The following GABRB1 variants were observed in gnomAD, a reference collection of about 807,000 sequenced individuals.
GABRB1 encodes gamma-aminobutyric acid type A receptor subunit beta1.
GABRB1 carries 17 observed loss-of-function variants against 51.6 expected under a neutral mutation model. That is an observed-to-expected ratio of 0.33 (90% CI 0.23 to 0.49). GABRB1 has a LOEUF of 0.49. GABRB1 is among the 20% of genes least tolerant of loss of function. The pLI is 0.99. For missense variants in GABRB1, 410 were observed against 600.6 expected, an observed-to-expected ratio of 0.68 and a Z score of 3.32; for synonymous variants, 247 against 218.9, an observed-to-expected ratio of 1.13 and a Z score of -1.14.
Position 47,145,262 on chromosome 4 carries a change from T to A in GABRB1, c.241-15987T>A, listed in dbSNP as rs140196985. On this transcript the variant is annotated intron_variant, in intron 3 of 8. Coordinates refer to ENST00000295454, the MANE Select transcript of GABRB1 (RefSeq NM_000812.4). ...GAGTCTGGACTTCCTTTTTTGGACT[T>A]ATGGCAGCTACACGCAATTTCATTC... Among the ~76,000 whole-genome samples the A allele has an allele frequency of 3.3e-5, 5 of 152,108 alleles. 1 individual carries two copies. The highest frequency in any genetic ancestry group is 1.2e-4 in the African/African-American group (5 of 41,532).
chr4:47,042,956 A>G (rs1725922964), intron 3 of GABRB1: 1 of 152,028 alleles, frequency 6.6e-6, no homozygotes. Context: ...ACATTCTCAC[A>G]GTAATTTGTT....
chr4:47,413,749 A>T (rs2110061807), intron 8 of GABRB1, among the ~76,000 whole-genome samples: 1 of 152,236 alleles, frequency 6.6e-6, no homozygotes, highest in South Asian at 2.1e-4. Flanking sequence ...GTCAAGGGGT[A>T]TTTGTACTGA....
At chr4:47,007,143 A>T (rs77631866) in intron 1 of GABRB1, among the ~76,000 whole-genome samples, 3 of 16,290 alleles carry the variant, frequency 1.8e-4, no homozygotes, top group African/African-American at 4.3e-4. Context: ...CTGTTTGGAT[A>T]AAAAAAAAAA....
chr4:47,168,303 T>G (rs1252363298), intron 4 of GABRB1, among the ~76,000 whole-genome samples: 1 of 152,196 alleles, frequency 6.6e-6, no homozygotes, highest in African/African-American at 2.4e-5. Flanking sequence ...TAAATTTTAC[T>G]GTCTCATAAT....
At chr4:47,152,780 C>T (rs969870240) in intron 3 of GABRB1, among the ~76,000 whole-genome samples, 1 of 151,990 alleles carries the variant, frequency 6.6e-6, no homozygotes, top group African/African-American at 2.4e-5. Context: ...TGGTGGCCAT[C>T]CTTTGGTGCC....
intron 5 of GABRB1, among the ~76,000 whole-genome samples, chr4:47,356,626 C>G (rs1412101226): frequency 6.6e-6 from 1 of 152,068 alleles, no homozygotes. Context: ...GATGGAGATG[C>G]TAGTTTGACA....
intron 5 of GABRB1, among the ~76,000 whole-genome samples, chr4:47,356,134 T>A (rs1437729791): frequency 6.6e-6 from 1 of 152,198 alleles, no homozygotes; most frequent in Non-Finnish European, 1.5e-5. Flanking sequence ...AAGAGTTTGA[T>A]TAAGATCTGG....
chr4:47,073,750 T>C (rs1310046338), intron 3 of GABRB1, among the ~76,000 whole-genome samples: 3 of 152,228 alleles, frequency 2.0e-5, no homozygotes, highest in African/African-American at 7.2e-5. Context: ...CTTCTGGCAC[T>C]CATGCACCAC....
chr4:47,419,547 A>G (rs1224607627), intron 8 of GABRB1, among the ~76,000 whole-genome samples: 2 of 152,194 alleles, frequency 1.3e-5, no homozygotes, highest in African/African-American at 4.8e-5. Flanking sequence ...TAGAATCAAT[A>G]GGGGGTCAGG....
At chr4:47,090,116 T>C (rs1346777446) in intron 3 of GABRB1, among the ~76,000 whole-genome samples, 1 of 152,240 alleles carries the variant, frequency 6.6e-6, no homozygotes, top group Non-Finnish European at 1.5e-5. Flanking sequence ...ACAACTACTG[T>C]TATGATTAGG....
intron 8 of GABRB1, among the ~76,000 whole-genome samples, chr4:47,420,664 T>C (rs113450239): frequency 1.3e-5 from 2 of 152,114 alleles, no homozygotes; most frequent in Non-Finnish European, 2.9e-5. Context: ...CCTCTGATGA[T>C]ATGAAAAAAT....
intron 3 of GABRB1, among the ~76,000 whole-genome samples, chr4:47,038,078 T>G (rs1035090380): frequency 2.0e-5 from 3 of 152,296 alleles, no homozygotes; most frequent in Non-Finnish European, 4.4e-5. Flanking sequence ...TAATAAAAAC[T>G]TAGATATTAA....
intron 1 of GABRB1, among the ~76,000 whole-genome samples, chr4:47,008,118 G>A (rs1363480015): frequency 6.6e-6 from 1 of 152,028 alleles, no homozygotes; most frequent in Non-Finnish European, 1.5e-5. Flanking sequence ...TAGGTGGCAA[G>A]ATGGACATTG....
At chr4:47,405,656 A>T (rs1728542950) in intron 7 of GABRB1, among the ~76,000 whole-genome samples, 1 of 152,154 alleles carries the variant, frequency 6.6e-6, no homozygotes, top group Non-Finnish European at 1.5e-5. Flanking sequence ...TACACTCCCT[A>T]TCATTTTCAG....
intron 4 of GABRB1, among the ~76,000 whole-genome samples, chr4:47,209,756 GTAAA>G (rs1720280653): frequency 1.3e-5 from 2 of 150,854 alleles, no homozygotes; most frequent in South Asian, 2.1e-4. Context: ...AAAGAAACCA[GTAAA>G]TAAATAAATT....
chr4:47,131,434 C>A (rs184004538), intron 3 of GABRB1, among the ~76,000 whole-genome samples: 2 of 152,058 alleles, frequency 1.3e-5, no homozygotes, highest in Admixed American at 1.3e-4. Flanking sequence ...CTGGGATTAC[C>A]GGTGTGAGCC....
intron 4 of GABRB1, among the ~76,000 whole-genome samples, chr4:47,259,138 G>GA (rs751682173): frequency 1.1e-4 from 16 of 152,162 alleles, no homozygotes; most frequent in Non-Finnish European, 1.9e-4. Flanking sequence ...ATCCATCTTT[G>GA]AGAGAGCCCC....
At chr4:47,157,341 T>C (rs775576241) in intron 3 of GABRB1, among the ~76,000 whole-genome samples, 1 of 152,084 alleles carries the variant, frequency 6.6e-6, no homozygotes. Flanking sequence ...TTTGGACTAA[T>C]GAAGAATTAA....
chr4:47,278,886 T>C (rs924133390), intron 4 of GABRB1, among the ~76,000 whole-genome samples: 2 of 152,268 alleles, frequency 1.3e-5, no homozygotes, highest in South Asian at 4.1e-4. Context: ...TTAGATGAAC[T>C]GTCTCACTGC....
Sources: gnomAD v4.1 joint callset for allele counts (sites outside exome capture counted in the v4.1 genomes callset) on GRCh38, gnomAD v4.1.1 for gene constraint, MANE v1.5 for transcripts, NCBI Gene and HGNC (gene_info 2026-07-23, HGNC 2026-07-21) for gene names.